The following ZCWPW2 variants were observed in gnomAD, a reference collection of about 807,000 sequenced individuals.
ZCWPW2 encodes zinc finger CW-type and PWWP domain containing 2.
ZCWPW2 carries 45 observed loss-of-function variants against 46.6 expected under a neutral mutation model. That is an observed-to-expected ratio of 0.96 (90% confidence interval 0.76 to 1.24). The LOEUF (loss-of-function observed/expected upper bound fraction) is 1.24. Among genes scored for constraint, ZCWPW2 ranks in the 50% most tolerant of loss-of-function variants. The pLI, the probability that ZCWPW2 is intolerant of heterozygous loss-of-function variation, is 0.00. For synonymous variants in ZCWPW2, 152 were observed against 137.1 expected, an observed-to-expected ratio of 1.11 and a Z score of -0.76; for missense variants, 429 against 403.9, an observed-to-expected ratio of 1.06 and a Z score of -0.53.
chr3:28,497,897 CTGAA>C (rs1700037599), intron 6 of ZCWPW2, among the ~76,000 whole-genome samples: 2 of 152,010 alleles, frequency 1.3e-5, no homozygotes, highest in African/African-American at 4.8e-5. Flanking sequence ...TGGCAGCAGT[CTGAA>C]TGAAAGAGAC....
chr3:28,350,775 ATAAGT>A (rs1368002847), intron 1 of ZCWPW2, among the ~76,000 whole-genome samples: 9 of 151,890 alleles, frequency 5.9e-5, no homozygotes, highest in African/African-American at 2.2e-4. Flanking sequence ...AAGACCTCTG[ATAAGT>A]TAATTAAAAG....
At chr3:28,407,269 T>C (rs1696201073) in intron 2 of ZCWPW2, among the ~76,000 whole-genome samples, 1 of 152,186 alleles carries the variant, frequency 6.6e-6, no homozygotes, top group African/African-American at 2.4e-5. Flanking sequence ...TCATTTGTGT[T>C]CTCCTAGGTA....
chr3:28,512,287 T>C (rs59284522), intron 6 of ZCWPW2, among the ~76,000 whole-genome samples: 4,432 of 152,130 alleles, frequency 0.029, 192 homozygotes, highest in African/African-American at 0.095. Flanking sequence ...AAGTGATTCT[T>C]GTGCCTCAGC....
chr3:28,511,493 C>T (rs917061314), intron 6 of ZCWPW2, among the ~76,000 whole-genome samples: 2 of 152,038 alleles, frequency 1.3e-5, no homozygotes, highest in Non-Finnish European at 2.9e-5. Context: ...CATTGAAGTA[C>T]ATATTTTTAG....
intron 2 of ZCWPW2, among the ~76,000 whole-genome samples, chr3:28,402,238 G>A (rs1372499435): frequency 6.6e-6 from 1 of 151,966 alleles, no homozygotes; most frequent in Non-Finnish European, 1.5e-5. Context: ...AAATGACATG[G>A]GAGATATTTT....
At chr3:28,350,449 T>A (rs1704502770) in intron 1 of ZCWPW2, among the ~76,000 whole-genome samples, 1 of 152,210 alleles carries the variant, frequency 6.6e-6, no homozygotes, top group Non-Finnish European at 1.5e-5. Context: ...GAGAGTCAAT[T>A]TTTGTTTCAC....
At chr3:28,463,344 G>A (rs1486367399) in intron 4 of ZCWPW2, among the ~76,000 whole-genome samples, 2 of 151,988 alleles carry the variant, frequency 1.3e-5, no homozygotes, top group African/African-American at 2.4e-5. Context: ...CCTTCCTATG[G>A]TCTCATCTGG....
chr3:28,473,847 A>G (rs1297214184), intron 4 of ZCWPW2, among the ~76,000 whole-genome samples: 1 of 152,348 alleles, frequency 6.6e-6, no homozygotes, highest in African/African-American at 2.4e-5. Context: ...ATGGATATCA[A>G]GAGTACAAGG....
chr3:28,417,179 G>A (rs1284201468), intron 3 of ZCWPW2, among the ~76,000 whole-genome samples: 1 of 151,532 alleles, frequency 6.6e-6, no homozygotes, highest in African/African-American at 2.4e-5. Context: ...AAGACAAAGG[G>A]GATATCACCA....
At chr3:28,417,501 C>T (rs1175120007) in intron 3 of ZCWPW2, among the ~76,000 whole-genome samples, 3 of 152,088 alleles carry the variant, frequency 2.0e-5, no homozygotes, top group Non-Finnish European at 2.9e-5. Flanking sequence ...GGGAATCTTC[C>T]CTAACTCATT....
intron 1 of ZCWPW2, among the ~76,000 whole-genome samples, chr3:28,369,824 T>C (rs946909603): frequency 1.5e-4 from 23 of 152,202 alleles, no homozygotes; most frequent in Non-Finnish European, 3.1e-4. Flanking sequence ...GCTTCCTGGC[T>C]GCTTTGTTTA....
At chr3:28,468,088 G>A (rs1075144) in intron 4 of ZCWPW2, among the ~76,000 whole-genome samples, 33,480 of 151,852 alleles carry the variant, frequency 0.22, 4,235 homozygotes, top group Non-Finnish European at 0.29. Context: ...AAGGAATTTC[G>A]AATTCTATCA....
At position 28,408,063 on chromosome 3, in the gene ZCWPW2, G is replaced by A. The variant is rs367813023; in HGVS notation, c.-13-4993G>A. Among the ~76,000 whole-genome samples the A allele has an allele frequency of 1.5e-4, 23 of 152,120 alleles. No homozygotes were observed. In the East Asian group the frequency reaches 3.5e-3, roughly 23 times the overall value. ...TAAATTCTGGTAGCCTGGATAAAAC[G>A]TATCAAATCTAAAATACCAAGAGGT... On this transcript the variant is annotated intron_variant, in intron 2 of 9. Coordinates refer to ENST00000383768, the MANE Select transcript of ZCWPW2 (RefSeq NM_001040432.4).
In ZCWPW2 at chr3:28,394,810, G is replaced by A. The variant is rs145137378; in HGVS notation, c.-14+4193G>A. Among the ~76,000 whole-genome samples the A allele has an allele frequency of 2.5e-3, 385 of 152,144 alleles. 1 individual carries two copies. The highest frequency in any genetic ancestry group is 8.4e-3 in the African/African-American group (349 of 41,532). ...AGACCTGAAACTATATAACTCCTGA[G>A]AGAAAATATAGGGGAAATCTTTATA... is the stretch of plus-strand genomic sequence containing the variant. On this transcript the variant is annotated intron_variant, in intron 2 of 9. Transcript: ENST00000383768.
chr3:28,386,463 A>G (rs1267649544), intron 1 of ZCWPW2, among the ~76,000 whole-genome samples: 2 of 152,082 alleles, frequency 1.3e-5, no homozygotes, highest in Admixed American at 6.6e-5. Flanking sequence ...TAATAGATTC[A>G]TTGTGTTTGT....
Position 28,427,136 on chromosome 3 carries a change from A to C in ZCWPW2, c.333-7974A>C, listed in dbSNP as rs72909019. On this transcript the variant is annotated intron_variant, in intron 3 of 9. Transcript: ENST00000383768. ...GTATACTTTTCTTGTAATTCTGATA[A>C]GTTACCATTGGGTTGCCCACTCCTC... Among the ~76,000 whole-genome samples the C allele has an allele frequency of 3.9e-3, 589 of 152,302 alleles. 2 individuals carry two copies. The highest frequency in any genetic ancestry group is 0.014 in the African/African-American group (568 of 41,560).
chr3:28,374,646 A>C lies in ZCWPW2; in HGVS notation c.-133-15852A>C, dbSNP rs149896249. Among the ~76,000 whole-genome samples, 240 of 152,148 alleles carry C rather than the reference A, an allele frequency of 1.6e-3. 1 individual carries two copies. Among genetic ancestry groups the C allele is most frequent in the African/African-American group, 5.5e-3 (229 of 41,564 alleles). On this transcript the variant is annotated intron_variant, in intron 1 of 9. Transcript: ENST00000383768. Reference sequence around the variant, plus strand: ...TCATTTTTTGTATGTTCTTTTCATCAGTGTTCTCTTCCTCAACTGGTTTTT... The same window carrying C: ...TCATTTTTTGTATGTTCTTTTCATCCGTGTTCTCTTCCTCAACTGGTTTTT...
intron 8 of ZCWPW2, among the ~76,000 whole-genome samples, chr3:28,515,976 C>T (rs551575813): frequency 1.6e-4 from 25 of 152,128 alleles, no homozygotes; most frequent in South Asian, 1.0e-3. Context: ...CACGGTGGCT[C>T]ACGCCTGTAA....
chr3:28,405,364 G>A (rs899653105), intron 2 of ZCWPW2, among the ~76,000 whole-genome samples: 5 of 152,200 alleles, frequency 3.3e-5, no homozygotes, highest in African/African-American at 9.7e-5. Context: ...AAGTGGAGGT[G>A]CTGCTGTAAT....
Sources: gnomAD v4.1 joint callset for allele counts (sites outside exome capture counted in the v4.1 genomes callset) on GRCh38, gnomAD v4.1.1 for gene constraint, MANE v1.5 for transcripts, NCBI Gene and HGNC (gene_info 2026-07-23, HGNC 2026-07-21) for gene names.